Variants in DLGAP1 observed in about 807,000 individuals in gnomAD.
DLGAP1 encodes the protein disks large-associated protein 1.
Under a neutral mutation model 90.8 loss-of-function variants are expected in DLGAP1, and 11 were observed. The ratio of observed to expected loss-of-function variants is 0.12; its 90% CI spans 0.08 to 0.20. The LOEUF (loss-of-function observed/expected upper bound fraction) is 0.20, where lower values mean the gene tolerates loss of function less well. DLGAP1 is among the 10% of genes least tolerant of loss of function. The pLI is 1.00. For missense variants in DLGAP1, 1,050 were observed against 1,333.8 expected, an observed-to-expected ratio of 0.79 and a Z score of 3.31; for synonymous variants, 558 against 540.7, an observed-to-expected ratio of 1.03 and a Z score of -0.44.
At chr18:4,162,653 C>T (rs2076866343) in intron 1 of DLGAP1, among the ~76,000 whole-genome samples, 1 of 152,072 alleles carries the variant, frequency 6.6e-6, no homozygotes, top group South Asian at 2.1e-4. Flanking sequence ...GAAATAACTA[C>T]AATAAAGTAT....
At chr18:3,634,165 G>A (rs2058614830) in intron 7 of DLGAP1, among the ~76,000 whole-genome samples, 1 of 152,070 alleles carries the variant, frequency 6.6e-6, no homozygotes, top group South Asian at 2.1e-4. Flanking sequence ...CAATGCGGCT[G>A]GATGAGTATT....
At chr18:3,982,998 A>G (rs1007889958) in intron 3 of DLGAP1, 3 of 152,238 alleles carry the variant, frequency 2.0e-5, no homozygotes, top group Admixed American at 1.3e-4. Flanking sequence ...TTATAATAAC[A>G]TATCAGGAAC....
At chr18:3,532,141 C>T (rs1652705982) in intron 10 of DLGAP1, among the ~76,000 whole-genome samples, 1 of 152,022 alleles carries the variant, frequency 6.6e-6, no homozygotes, top group Admixed American at 6.6e-5. Flanking sequence ...AGGTATGAGC[C>T]ACCACACCTG....
chr18:3,802,061 T>C (rs1458254094), intron 5 of DLGAP1, among the ~76,000 whole-genome samples: 3 of 151,610 alleles, frequency 2.0e-5, no homozygotes, highest in Admixed American at 6.6e-5. Context: ...CTTGGCTCAC[T>C]GTAACCTCTG....
chr18:4,156,647 T>G (rs1051022580), intron 1 of DLGAP1, among the ~76,000 whole-genome samples: 4 of 152,156 alleles, frequency 2.6e-5, no homozygotes, highest in Non-Finnish European at 5.9e-5. Flanking sequence ...GCAAGGTAAA[T>G]TTTTGTTTGG....
At chr18:3,845,177 G>A in intron 4 of DLGAP1, 1 of 1,596,230 alleles carries the variant, frequency 6.3e-7, no homozygotes, top group Non-Finnish European at 8.6e-7. Flanking sequence ...CAGAAATCAA[G>A]CACAAAGAAA....
chr18:3,955,160 G>A (rs1568317862), intron 3 of DLGAP1, among the ~76,000 whole-genome samples: 1 of 152,060 alleles, frequency 6.6e-6, no homozygotes, highest in Non-Finnish European at 1.5e-5. Flanking sequence ...CAGGCTGCCT[G>A]GAAAAACTCA....
At chr18:4,355,246 A>G (rs1452971910) in intron 1 of DLGAP1, among the ~76,000 whole-genome samples, 2 of 152,246 alleles carry the variant, frequency 1.3e-5, no homozygotes, top group Non-Finnish European at 2.9e-5. Context: ...GAACAGGTCC[A>G]TCCATACCAT....
Position 3,888,444 on chromosome 18 carries a change from G to C in DLGAP1, c.-72-8304C>G, listed in dbSNP as rs148513840. Among the ~76,000 whole-genome samples, 611 of 152,148 alleles carry C rather than the reference G, an allele frequency of 4.0e-3. 4 individuals carry two copies. Among genetic ancestry groups the C allele is most frequent in the African/African-American group, 0.014 (584 of 41,492 alleles). On this transcript the variant is annotated intron_variant, in intron 3 of 12. Coordinates refer to ENST00000315677, the MANE Select transcript of DLGAP1 (RefSeq NM_004746.4). ...TGGCTTTTCATTAACATTAATTGCTGTCCTAATCATCTGCAGTTTGATTTC... is the reference window on the plus strand; with the variant it reads ...TGGCTTTTCATTAACATTAATTGCTCTCCTAATCATCTGCAGTTTGATTTC...
chr18:3,952,488 G>C (rs1568316643), intron 3 of DLGAP1, among the ~76,000 whole-genome samples: 1 of 152,182 alleles, frequency 6.6e-6, no homozygotes, highest in South Asian at 2.1e-4. Flanking sequence ...ATCGGACCAC[G>C]GCAAAGGGTT....
At chr18:3,933,001 G>A (rs1288105468) in intron 3 of DLGAP1, among the ~76,000 whole-genome samples, 6 of 152,144 alleles carry the variant, frequency 3.9e-5, no homozygotes, top group Admixed American at 1.3e-4. Flanking sequence ...CTGTCCAAAC[G>A]AGTTCCCCAC....
intron 1 of DLGAP1, among the ~76,000 whole-genome samples, chr18:4,417,391 G>A (rs1002652816): frequency 4.0e-5 from 6 of 151,322 alleles, no homozygotes; most frequent in Non-Finnish European, 8.8e-5. Flanking sequence ...AAAATATTTC[G>A]GTTGTATTTC....
chr18:3,588,202 G>A (rs973054807), intron 7 of DLGAP1, among the ~76,000 whole-genome samples: 1 of 152,236 alleles, frequency 6.6e-6, no homozygotes, highest in Non-Finnish European at 1.5e-5. Context: ...GCTCACGCCT[G>A]TAATCCCAGA....
At chr18:3,979,809 C>G (rs1268226644) in intron 3 of DLGAP1, among the ~76,000 whole-genome samples, 2 of 152,164 alleles carry the variant, frequency 1.3e-5, no homozygotes, top group Admixed American at 6.5e-5. Flanking sequence ...CACTGTACCC[C>G]ACAAATACAC....
intron 4 of DLGAP1, among the ~76,000 whole-genome samples, chr18:3,864,183 T>C (rs528912832): frequency 6.6e-6 from 1 of 152,308 alleles, no homozygotes; most frequent in African/African-American, 2.4e-5. Flanking sequence ...CATTATATGC[T>C]TGTGGACAGA....
intron 1 of DLGAP1, among the ~76,000 whole-genome samples, chr18:4,173,426 A>G (rs935409217): frequency 8.5e-5 from 13 of 152,220 alleles, no homozygotes; most frequent in Admixed American, 3.9e-4. Flanking sequence ...ATCGGTAGAG[A>G]CGATGTAACC....
chr18:4,422,251 CATG>C (rs2083055687), intron 1 of DLGAP1, among the ~76,000 whole-genome samples: 1 of 151,670 alleles, frequency 6.6e-6, no homozygotes. Flanking sequence ...TATACAATGA[CATG>C]ATGTGTAGCC....
chr18:3,836,480 T>C (rs2068388373), intron 4 of DLGAP1, among the ~76,000 whole-genome samples: 1 of 152,288 alleles, frequency 6.6e-6, no homozygotes, highest in South Asian at 2.1e-4. Flanking sequence ...TTAGATTTTT[T>C]TTCTTCCTTT....
At chr18:4,425,422 G>A (rs781032204) in intron 1 of DLGAP1, among the ~76,000 whole-genome samples, 9 of 152,078 alleles carry the variant, frequency 5.9e-5, no homozygotes, top group Non-Finnish European at 7.4e-5. Context: ...CACTTCCCAG[G>A]GACTGGCGTA....
Sources: gnomAD v4.1 joint callset for allele counts (sites outside exome capture counted in the v4.1 genomes callset) on GRCh38, gnomAD v4.1.1 for gene constraint, MANE v1.5 for transcripts, NCBI Gene and HGNC (gene_info 2026-07-23, HGNC 2026-07-21) for gene names.